ACYP2: variants seen among roughly 807,000 people sequenced by gnomAD.
ACYP2 encodes acylphosphatase-2.
ACYP2 carries 12 observed loss-of-function variants against 11.2 expected under a neutral mutation model. The observed-to-expected ratio is 1.08, with a 90% confidence interval of 0.69 to 1.74. The LOEUF (loss-of-function observed/expected upper bound fraction) is 1.74, where lower values mean the gene tolerates loss of function less well. Ranked by LOEUF, ACYP2 falls within the 40% of genes most tolerant of loss-of-function variation. ACYP2 has a pLI of 0.00. For missense variants in ACYP2, 134 were observed against 101.9 expected, an observed-to-expected ratio of 1.31 and a Z score of -1.35; for synonymous variants, 43 against 32.2, an observed-to-expected ratio of 1.33 and a Z score of -1.13.
At chr2:54,219,188 G>C (rs1433966336) in intron 6 of ACYP2, among the ~76,000 whole-genome samples, 1 of 152,200 alleles carries the variant, frequency 6.6e-6, no homozygotes, top group Non-Finnish European at 1.5e-5. Flanking sequence ...CTCCCTGAAA[G>C]ATGGAGTTGA....
chr2:54,041,166 T>A (rs1675202934), intron 2 of ACYP2, among the ~76,000 whole-genome samples: 1 of 151,872 alleles, frequency 6.6e-6, no homozygotes, highest in African/African-American at 2.4e-5. Context: ...AGGCTGGTGT[T>A]GAACTCCTGG....
intron 6 of ACYP2, 62 bp from the exon 4 acceptor site, chr2:54,304,626 A>T: frequency 8.2e-7 from 1 of 1,225,202 alleles, no homozygotes; most frequent in South Asian, 1.3e-5. Context: ...CTGTGGGCTC[A>T]TTTTAGCTGA....
intron 6 of ACYP2, among the ~76,000 whole-genome samples, chr2:54,187,951 A>G (rs753854752): frequency 1.1e-4 from 16 of 152,160 alleles, no homozygotes; most frequent in Non-Finnish European, 1.9e-4. Context: ...CTCTTCTGCC[A>G]TGTGAGAACA....
intron 2 of ACYP2, among the ~76,000 whole-genome samples, chr2:54,006,767 T>C (rs111488596): frequency 0.011 from 1,668 of 152,080 alleles, 27 homozygotes; most frequent in African/African-American, 0.038. Context: ...GTAGAAACAA[T>C]TGGGGAAGCC....
chr2:54,090,940 A>G (rs1678191799), intron 4 of ACYP2, among the ~76,000 whole-genome samples: 1 of 152,178 alleles, frequency 6.6e-6, no homozygotes, highest in African/African-American at 2.4e-5. Context: ...CTTTGAGGGT[A>G]GGAATTCTAC....
intron 4 of ACYP2, among the ~76,000 whole-genome samples, chr2:54,102,151 T>C (rs550324196): frequency 6.6e-6 from 1 of 152,374 alleles, no homozygotes; most frequent in East Asian, 1.9e-4. Context: ...TACAAAATGT[T>C]TGTATCCAAA....
chr2:54,177,384 G>T (rs1225281123), intron 6 of ACYP2, among the ~76,000 whole-genome samples: 1 of 152,142 alleles, frequency 6.6e-6, no homozygotes, highest in Non-Finnish European at 1.5e-5. Flanking sequence ...TTAGTGTTTT[G>T]CTGGTAGTTA....
chr2:54,006,058 A>G (rs537317591), intron 2 of ACYP2, among the ~76,000 whole-genome samples: 1 of 152,264 alleles, frequency 6.6e-6, no homozygotes, highest in East Asian at 1.9e-4. Context: ...ATCACAGCTC[A>G]CTGCAGGCTC....
At chr2:54,041,114 T>C (rs1391455353) in intron 2 of ACYP2, among the ~76,000 whole-genome samples, 12 of 152,012 alleles carry the variant, frequency 7.9e-5, no homozygotes, top group African/African-American at 2.9e-4. Flanking sequence ...TCTTTCTTTT[T>C]TTTTGTATTT....
At chr2:54,097,430 G>A (rs529882891) in intron 4 of ACYP2, among the ~76,000 whole-genome samples, 1 of 152,328 alleles carries the variant, frequency 6.6e-6, no homozygotes, top group South Asian at 2.1e-4. Context: ...TGAAAAGCTT[G>A]CCAGCACCAC....
intron 6 of ACYP2, among the ~76,000 whole-genome samples, chr2:54,172,286 G>T (rs888472816): frequency 1.3e-5 from 2 of 152,044 alleles, no homozygotes; most frequent in South Asian, 4.1e-4. Flanking sequence ...ATATACACAT[G>T]TATATATATT....
chr2:54,265,773 C>T (rs1687989854), intron 6 of ACYP2, among the ~76,000 whole-genome samples: 1 of 152,136 alleles, frequency 6.6e-6, no homozygotes. Flanking sequence ...ACTTTTGTGC[C>T]CAGTTTCCTT....
chr2:54,267,330 G>C (rs1242473979), intron 6 of ACYP2: 8 of 1,548,924 alleles, frequency 5.2e-6, no homozygotes, highest in East Asian at 2.4e-5. Context: ...GTGAAGAAAA[G>C]AAACAAGATA....
intron 6 of ACYP2, among the ~76,000 whole-genome samples, chr2:54,296,228 T>TAG (rs1381689968): frequency 6.6e-6 from 1 of 152,184 alleles, no homozygotes; most frequent in African/African-American, 2.4e-5. Context: ...GAGGAGGCCC[T>TAG]AGAACAGCAG....
intron 4 of ACYP2, among the ~76,000 whole-genome samples, chr2:54,086,364 T>C (rs1304505087): frequency 6.6e-6 from 1 of 151,954 alleles, no homozygotes; most frequent in African/African-American, 2.4e-5. Context: ...ACCTACACAG[T>C]GAGGGCAGGC....
intron 2 of ACYP2, among the ~76,000 whole-genome samples, chr2:54,038,056 C>T (rs746299670): frequency 7.9e-5 from 12 of 152,160 alleles, no homozygotes; most frequent in Non-Finnish European, 1.8e-4. Context: ...AACACCTTCC[C>T]TTATATAATA....
chr2:54,113,748 G>C (rs188730488), intron 4 of ACYP2, among the ~76,000 whole-genome samples: 33 of 152,312 alleles, frequency 2.2e-4, no homozygotes, highest in Admixed American at 3.9e-4. Context: ...GTAGACCCAA[G>C]AGAAGAGGTT....
chr2:54,103,523 A>G (rs1393871756), intron 4 of ACYP2, among the ~76,000 whole-genome samples: 2 of 152,124 alleles, frequency 1.3e-5, no homozygotes, highest in Admixed American at 1.3e-4. Context: ...ACTGTTTTAA[A>G]TTACACATAG....
intron 6 of ACYP2, among the ~76,000 whole-genome samples, chr2:54,258,322 G>A (rs916350340): frequency 3.9e-5 from 6 of 152,086 alleles, no homozygotes; most frequent in Non-Finnish European, 8.8e-5. Context: ...AGTTGAGGGA[G>A]TCAGCTAGTA....
Sources: allele counts gnomAD v4.1 joint callset (sites outside exome capture counted in the v4.1 genomes callset), GRCh38; gene constraint gnomAD v4.1.1; transcripts MANE v1.5; gene names NCBI Gene and HGNC (gene_info 2026-07-23, HGNC 2026-07-21).